CNBD1: variants seen among roughly 807,000 people sequenced by gnomAD.
CNBD1 encodes the protein cyclic nucleotide binding domain containing 1.
In CNBD1, 71 loss-of-function variants were observed where a neutral mutation model predicts 54.4. The observed-to-expected ratio is 1.30, with a 90% confidence interval of 1.08 to 1.59. The LOEUF is 1.59. Among genes scored for constraint, CNBD1 ranks in the 40% most tolerant of loss-of-function variants. CNBD1 has a pLI of 0.00. For missense variants in CNBD1, 659 were observed against 518.0 expected (o/e 1.27, Z -2.64); for synonymous variants, 182 against 170.7 (o/e 1.07, Z -0.51).
chr8:87,284,272 A>G (rs372454308), intron 6 of CNBD1, among the ~76,000 whole-genome samples: 10 of 152,254 alleles, frequency 6.6e-5, no homozygotes, highest in African/African-American at 2.4e-4. Context: ...AATGGTTTAT[A>G]TACTGTTTAA....
At chr8:87,284,890 A>T (rs1808663109) in intron 7 of CNBD1, 75 bp downstream of exon 7, 1 of 1,037,036 alleles carries the variant, frequency 9.6e-7, no homozygotes, top group Admixed American at 2.8e-5. Context: ...TCTCTAGACA[A>T]AGACAGCTAT....
At chr8:87,362,161 A>G (rs1229097994) in intron 10 of CNBD1, among the ~76,000 whole-genome samples, 2 of 152,058 alleles carry the variant, frequency 1.3e-5, no homozygotes, top group Non-Finnish European at 2.9e-5. Context: ...CTGATCTGCA[A>G]GGAATGTCCA....
intron 5 of CNBD1, among the ~76,000 whole-genome samples, chr8:87,232,936 C>G (rs1807474231): frequency 6.6e-6 from 1 of 152,008 alleles, no homozygotes; most frequent in Admixed American, 6.6e-5. Context: ...TTATTGTTAA[C>G]TAATTTAATT....
intron 3 of CNBD1, among the ~76,000 whole-genome samples, chr8:86,919,143 C>A (rs1809233714): frequency 6.6e-6 from 1 of 151,848 alleles, no homozygotes; most frequent in Non-Finnish European, 1.5e-5. Flanking sequence ...AGCAGTTAAC[C>A]CTAACTATAG....
At chr8:87,100,219 T>C (rs1241781018) in intron 4 of CNBD1, among the ~76,000 whole-genome samples, 1 of 152,164 alleles carries the variant, frequency 6.6e-6, no homozygotes, top group African/African-American at 2.4e-5. Flanking sequence ...GTTAGGGAGA[T>C]GGCTTCTGGT....
intron 4 of CNBD1, among the ~76,000 whole-genome samples, chr8:87,140,189 T>G (rs1812343727): frequency 6.6e-6 from 1 of 152,144 alleles, no homozygotes; most frequent in Non-Finnish European, 1.5e-5. Context: ...TTGTGTATGT[T>G]AAATTTCTGT....
At chr8:87,404,933 G>C (rs1586082130) in intron 2 of CNBD1, among the ~76,000 whole-genome samples, 1 of 151,998 alleles carries the variant, frequency 6.6e-6, no homozygotes, top group East Asian at 1.9e-4. Context: ...ACGTATCTAG[G>C]CCTCCACCAA....
chr8:86,991,072 G>T (rs1288308654), intron 4 of CNBD1, among the ~76,000 whole-genome samples: 1 of 152,008 alleles, frequency 6.6e-6, no homozygotes, highest in Non-Finnish European at 1.5e-5. Flanking sequence ...CTGATAATTT[G>T]GGTGGTGGTA....
chr8:87,028,044 C>T (rs1251616970), intron 4 of CNBD1, among the ~76,000 whole-genome samples: 1 of 152,176 alleles, frequency 6.6e-6, no homozygotes, highest in African/African-American at 2.4e-5. Context: ...CACACACACA[C>T]ACACAACACA....
intron 4 of CNBD1, among the ~76,000 whole-genome samples, chr8:87,119,246 C>T (rs1004788272): frequency 6.6e-6 from 1 of 151,636 alleles, no homozygotes; most frequent in Non-Finnish European, 1.5e-5. Flanking sequence ...CTTTGTGTCA[C>T]CTTCAATTTC....
At chr8:87,260,767 T>C (rs1413713078) in intron 6 of CNBD1, among the ~76,000 whole-genome samples, 3 of 152,070 alleles carry the variant, frequency 2.0e-5, no homozygotes, top group Non-Finnish European at 4.4e-5. Flanking sequence ...TTGTTGTTCA[T>C]TTGGAATGTT....
chr8:87,328,132 C>A (rs188652775), intron 8 of CNBD1, among the ~76,000 whole-genome samples: 60 of 152,122 alleles, frequency 3.9e-4, no homozygotes, highest in Non-Finnish European at 6.6e-4. Context: ...GCTCTCCTTC[C>A]CCGTGCCCCC....
At chr8:87,339,361 AG>A in intron 8 of CNBD1, among the ~76,000 whole-genome samples, 1 of 152,226 alleles carries the variant, frequency 6.6e-6, no homozygotes, top group South Asian at 2.1e-4. Flanking sequence ...GTTACAATTC[AG>A]GTTTCCCTAC....
chr8:87,322,222 T>G lies in CNBD1; in HGVS notation c.1043-29463T>G, dbSNP rs78511431. On this transcript the variant is annotated intron_variant, in intron 8 of 10. Transcript: ENST00000518476. ...CTATCATTGTTGGACATTTGGGTTGTTTCCAAGTCTTTGCTATTGTGAATA... is the reference window on the plus strand; with the variant it reads ...CTATCATTGTTGGACATTTGGGTTGGTTCCAAGTCTTTGCTATTGTGAATA... Among the ~76,000 whole-genome samples, 985 of 105,572 alleles carry G rather than the reference T, an allele frequency of 9.3e-3. 162 individuals carry two copies. The highest frequency in any genetic ancestry group is 0.027 in the African/African-American group (774 of 28,218). 69.3% of individuals were successfully genotyped at this position (105,572 alleles called of 152,430 possible). A position where few individuals can be genotyped will look rare whatever the true frequency, so the allele number is the denominator to read the frequency against.
chr8:87,200,883 AAC>A lies in CNBD1; in HGVS notation c.432-5106_432-5105del, dbSNP rs534007045. 1.6e-3 allele frequency among the ~76,000 whole-genome samples: 238 copies of A among 152,300 alleles called. 1 individual carries two copies. The highest frequency in any genetic ancestry group is 5.2e-3 in the African/African-American group (215 of 41,584). ...TCTTTCAAAAAATAGAAAAGGGAGA[AAC>A]ACATCCCAACTCGTTCTATGAAGCT... On this transcript the variant is annotated intron_variant, in intron 4 of 10. Transcript: ENST00000518476.
intron 4 of CNBD1, among the ~76,000 whole-genome samples, chr8:86,949,865 A>G (rs1462310271): frequency 6.8e-6 from 1 of 147,994 alleles, no homozygotes; most frequent in Non-Finnish European, 1.5e-5. Flanking sequence ...TATATAGCTT[A>G]TATTATGTTG....
At chr8:87,110,028 G>T (rs1448035217) in intron 4 of CNBD1, among the ~76,000 whole-genome samples, 1 of 152,102 alleles carries the variant, frequency 6.6e-6, no homozygotes, top group Non-Finnish European at 1.5e-5. Flanking sequence ...ATTTGCCACT[G>T]CCAGTGAGTC....
chr8:86,961,399 C>T (rs1220995525), intron 4 of CNBD1, among the ~76,000 whole-genome samples: 2 of 152,212 alleles, frequency 1.3e-5, no homozygotes, highest in Admixed American at 1.3e-4. Context: ...AAACAGGCCC[C>T]CTGCTTAGAA....
chr8:86,964,218 A>G (rs774888899), intron 4 of CNBD1, among the ~76,000 whole-genome samples: 6 of 152,282 alleles, frequency 3.9e-5, no homozygotes, highest in Non-Finnish European at 8.8e-5. Context: ...TCTACCATGG[A>G]TAGCCCAGTG....
Sources: gnomAD v4.1 joint callset for allele counts (sites outside exome capture counted in the v4.1 genomes callset) on GRCh38, gnomAD v4.1.1 for gene constraint, MANE v1.5 for transcripts, NCBI Gene and HGNC (gene_info 2026-07-23, HGNC 2026-07-21) for gene names.